Variants in PUS7L observed in about 807,000 individuals in gnomAD.
PUS7L encodes pseudouridine synthase 7 like, also known as pseudouridylate synthase PUS7L.
Under a neutral mutation model 51.1 loss-of-function variants are expected in PUS7L, and 49 were observed. That is an observed-to-expected ratio of 0.96 (90% CI 0.76 to 1.22). The LOEUF (loss-of-function observed/expected upper bound fraction) is 1.22. PUS7L is among the 50% of genes most tolerant of loss of function. PUS7L has a pLI of 0.00. For synonymous variants in PUS7L, 277 were observed against 276.2 expected (o/e 1.00, Z -0.03); for missense variants, 828 against 820.6 (o/e 1.01, Z -0.11).
rs1944448696 is a variant in PUS7L, at chr12:43,725,914, G to A, written c.*4462C>T. 1 of 151,976 alleles carries A rather than the reference G, an allele frequency of 6.6e-6. No homozygotes were observed. The highest frequency in any genetic ancestry group is 1.5e-5 in the Non-Finnish European group (1 of 68,010). The allele number at this position is 151,976 out of a possible 1,614,324, so 9.4% of individuals were successfully genotyped here. ...TAAAGTGTGAGATACTGACATAATA[G>A]ATACTCAGAAAATGTTAGTTAAATC... On this transcript the variant is annotated 3_prime_UTR_variant, in exon 9 of 9. Transcript: ENST00000344862.
chr12:43,742,753 C>T (rs193133297), intron 4 of PUS7L, 198 bp from the exon 5 acceptor site: 158 of 589,748 alleles, frequency 2.7e-4, no homozygotes, highest in Non-Finnish European at 3.3e-4. Flanking sequence ...GAAGTTAGAA[C>T]ATAAAACCAA....
intron 5 of PUS7L, among the ~76,000 whole-genome samples, chr12:43,738,611 A>T (rs145859151): frequency 0.014 from 2,191 of 152,294 alleles, 58 homozygotes; most frequent in African/African-American, 0.049. Flanking sequence ...TTAAAATATT[A>T]TGGACTGAAA....
At chr12:43,731,979 T>C (rs1944567424) in intron 7 of PUS7L, among the ~76,000 whole-genome samples, 2 of 152,166 alleles carry the variant, frequency 1.3e-5, no homozygotes, top group African/African-American at 2.4e-5. Context: ...TTGGATAACA[T>C]GGAGAAAGGT....
rs1938645998 is a variant in PUS7L, at chr12:43,755,221, T to C, written c.25A>G (p.Ile9Val). 6.2e-7 allele frequency: 1 copy of C among 1,600,614 alleles called. No homozygotes were observed. Among genetic ancestry groups the C allele is most frequent in the South Asian group, 1.1e-5 (1 of 89,212 alleles). Residue 9 changes from isoleucine to valine, a missense_variant, in exon 2 of 9, where the codon ATC becomes GTC. Coordinates refer to ENST00000344862, the MANE Select transcript of PUS7L (RefSeq NM_031292.5). Reference sequence around the variant, plus strand: ...AAGAAACACAAAGAACTAAACCTGATTCTATAATCTGTATCTTCTTCCATT... The same window carrying C: ...AAGAAACACAAAGAACTAAACCTGACTCTATAATCTGTATCTTCTTCCATT... MEEDTDYR[I>V]RFSSLCFFND... is the part of the protein sequence containing the mutation.
At position 43,736,528 on chromosome 12, in the gene PUS7L, C is replaced by T. The variant is rs141654642; in HGVS notation, c.1578G>A (p.Met526Ile). 2.0e-4 allele frequency: 318 copies of T among 1,614,086 alleles called. No homozygotes were observed. Among genetic ancestry groups the T allele is most frequent in the Non-Finnish European group, 2.5e-4 (295 of 1,180,046 alleles). Reference sequence around the variant, plus strand: ...TATATGCGTGAACATAGAATATGCGCATGGAATGGGGTAAAGAGAACCATG... The same window carrying T: ...TATATGCGTGAACATAGAATATGCGTATGGAATGGGGTAAAGAGAACCATG... The part of the protein sequence containing the change: ...IQAWFSLPHS[M>I]RIFYVHAYTS... The change falls in exon 7 of 9, where the codon ATG becomes ATA. Residue 526 changes from methionine to isoleucine, a missense_variant. Transcript: ENST00000344862.
In PUS7L at chr12:43,755,090, C is replaced by T; in HGVS notation, c.156G>A (p.Glu52=). Residue 52 remains glutamate (E), a synonymous_variant, in exon 2 of 9, where the codon GAG becomes GAA. Transcript: ENST00000344862. ...QGQLVNKTID[E]PIFKISEIQL... ...GTATTTCACTAATCTTGAAAATAGG[C>T]TCATCGATGGTCTTATTAACTAACT... 6.2e-7 allele frequency: 1 copy of T among 1,613,652 alleles called. No homozygotes were observed. Among genetic ancestry groups the T allele is most frequent in the Admixed American group, 1.7e-5 (1 of 59,982 alleles).
chr12:43,738,235 T>A (rs1329304528), intron 6 of PUS7L, 75 bp downstream of exon 6: 4 of 804,738 alleles, frequency 5.0e-6, no homozygotes, highest in African/African-American at 1.7e-5. Flanking sequence ...CAATAAATGC[T>A]CTCCTGCTGA....
chr12:43,758,300 A>T (rs1454289701), intron 1 of PUS7L: 1 of 985,264 alleles, frequency 1.0e-6, no homozygotes, highest in African/African-American at 1.7e-5. Flanking sequence ...AGGACAGCAA[A>T]GGAGCCCACG....
chr12:43,747,340 A>G (rs1277668764), intron 3 of PUS7L, among the ~76,000 whole-genome samples: 1 of 152,172 alleles, frequency 6.6e-6, no homozygotes, highest in African/African-American at 2.4e-5. Flanking sequence ...TCATCTAACA[A>G]TATTATTTTA....
rs574451183 is a variant in PUS7L, at chr12:43,737,187, G to A, written c.1445-526C>T. ...ATCTACCACAAAGATGCTTATTCAC[G>A]TATGGCCTTGGAATTGGCATTGAAA... is the stretch of plus-strand genomic sequence containing the variant. On this transcript the variant is annotated intron_variant, in intron 6 of 8. Transcript: ENST00000344862. Among the ~76,000 whole-genome samples the A allele has an allele frequency of 4.5e-4, 69 of 152,234 alleles. 1 individual carries two copies. The highest frequency in any genetic ancestry group is 2.4e-3 in the Admixed American group (37 of 15,280).
At position 43,742,539 on chromosome 12, in the gene PUS7L, T is replaced by A; in HGVS notation, c.1280A>T (p.Asn427Ile). ...CCCAAATCTCTGTGGTCCATAGTAA[T>A]TCACAAAGCCTTTTTTCTATGTATA... ...IENVKKKGFVNYYGPQRFGKG... is the reference protein window; with the variant it reads ...IENVKKKGFVIYYGPQRFGKG... Residue 427 changes from asparagine (N) to isoleucine (I), a missense_variant, in exon 5 of 9, where the codon AAT becomes ATT. By Grantham distance (149) the Asn-to-Ile change is moderately radical. Coordinates refer to ENST00000344862, the MANE Select transcript of PUS7L (RefSeq NM_031292.5). 1 of 1,604,768 alleles carries A rather than the reference T, an allele frequency of 6.2e-7. No homozygotes were observed.
rs977781616 is a variant in PUS7L, at chr12:43,721,029, A to G, written c.*9347T>C. ...ACACAGTACTCAATGATTGATAGCT[A>G]TTGTCATTACAACACTTAAAGTGAA... On this transcript the variant is annotated 3_prime_UTR_variant, in exon 9 of 9. Coordinates refer to ENST00000344862, the MANE Select transcript of PUS7L (RefSeq NM_031292.5). 2 of 152,222 alleles carry G rather than the reference A, an allele frequency of 1.3e-5. No individual in the cohort carries two copies. Among genetic ancestry groups the G allele is most frequent in the Admixed American group, 1.3e-4 (2 of 15,280 alleles). The allele number at this position is 152,222 out of a possible 1,614,324, so 9.4% of individuals were successfully genotyped here. A position where few individuals can be genotyped will look rare whatever the true frequency, so the allele number is the denominator to read the frequency against.
rs1938639351 is a variant in PUS7L at position 43,755,126 on chromosome 12, A to G, written c.120T>C (p.Asp40=). The part of the protein sequence containing the change: ...SPSDFIVIEI[D]EQGQLVNKTI... The stretch of plus-strand genomic sequence containing the variant: ...TCTTATTAACTAACTGTCCCTGTTC[A>G]TCAATTTCAATAACAATAAAGTCAC... Residue 40 remains aspartate (D), a synonymous_variant, in exon 2 of 9, where the codon GAT becomes GAC. Coordinates refer to ENST00000344862, the MANE Select transcript of PUS7L (RefSeq NM_031292.5). The G allele has an allele frequency of 1.2e-6, 2 of 1,613,658 alleles. No homozygotes were observed. Among genetic ancestry groups the G allele is most frequent in the African/African-American group, 1.3e-5 (1 of 75,038 alleles).
chr12:43,754,049 T>G (rs902924334), intron 2 of PUS7L, among the ~76,000 whole-genome samples: 1 of 152,224 alleles, frequency 6.6e-6, no homozygotes, highest in Non-Finnish European at 1.5e-5. Flanking sequence ...ACGAACCAAC[T>G]GCTTCAACTT....
intron 1 of PUS7L, among the ~76,000 whole-genome samples, chr12:43,755,578 G>C (rs1178126460): frequency 6.6e-6 from 1 of 152,110 alleles, no homozygotes. Context: ...TCATTTGTAG[G>C]CTCACAAGAA....
At chr12:43,740,679 C>T (rs1169646000) in intron 5 of PUS7L, among the ~76,000 whole-genome samples, 1 of 152,100 alleles carries the variant, frequency 6.6e-6, no homozygotes, top group Non-Finnish European at 1.5e-5. Flanking sequence ...GGTCTTCACA[C>T]ATGGAGTAGT....
At chr12:43,730,746 A>G (rs542934688) in intron 8 of PUS7L, 44 bp from the exon 9 acceptor site, 2 of 1,265,358 alleles carry the variant, frequency 1.6e-6, no homozygotes, top group East Asian at 2.3e-5. Context: ...AGCCTTCAAA[A>G]AGATACATGA....
chr12:43,729,313 G>GTA lies in PUS7L; in HGVS notation c.*1061_*1062dup, dbSNP rs1178511522. 1 of 395,906 alleles carries GTA rather than the reference G, an allele frequency of 2.5e-6. No individual in the cohort carries two copies. Among genetic ancestry groups the GTA allele is most frequent in the African/African-American group, 2.1e-5 (1 of 48,476 alleles). 24.5% of individuals were successfully genotyped at this position (395,906 alleles called of 1,614,324 possible). ...TCCCAAAATGGTTAAACTGGCTTAA[G>GTA]TATATATATCACATTACTGATATAT... On this transcript the variant is annotated 3_prime_UTR_variant, in exon 9 of 9. Coordinates refer to ENST00000344862, the MANE Select transcript of PUS7L (RefSeq NM_031292.5).
rs117017439 is a variant in PUS7L at position 43,758,008 on chromosome 12, G to C, written c.-17+722C>G. Among the ~76,000 whole-genome samples, 841 of 152,304 alleles carry C rather than the reference G, an allele frequency of 5.5e-3. 15 individuals are homozygous for C. The highest frequency in any genetic ancestry group is 0.03 in the Admixed American group (458 of 15,298). ...CAATGGATGGCTACTGTTAGTGTTT[G>C]AGTAGAAAAGTGACACAATTCCAAA... On this transcript the variant is annotated intron_variant, in intron 1 of 8. Coordinates refer to ENST00000344862, the MANE Select transcript of PUS7L (RefSeq NM_031292.5).
Sources: gnomAD v4.1 joint callset for allele counts (sites outside exome capture counted in the v4.1 genomes callset) on GRCh38, gnomAD v4.1.1 for gene constraint, MANE v1.5 for transcripts, NCBI Gene and HGNC (gene_info 2026-07-23, HGNC 2026-07-21) for gene names.